Variants in CFAP46 observed in about 807,000 individuals in gnomAD.
CFAP46 encodes cilia- and flagella-associated protein 46.
CFAP46 carries 245 observed loss-of-function variants against 325.7 expected under a neutral mutation model. That is an observed-to-expected ratio of 0.75 (90% CI 0.68 to 0.84). CFAP46 has a LOEUF of 0.84. Among genes scored for constraint, CFAP46 ranks in the 40% least tolerant of loss-of-function variants. CFAP46 has a pLI of 0.00. For missense variants in CFAP46, 3,346 were observed against 3,543.0 expected (o/e 0.94, Z 1.41); for synonymous variants, 1,523 against 1,495.9 (o/e 1.02, Z -0.42).
At chr10:132,928,859 TGTC>T (rs1339101331) in intron 9 of CFAP46, among the ~76,000 whole-genome samples, 1 of 152,198 alleles carries the variant, frequency 6.6e-6, no homozygotes, top group Non-Finnish European at 1.5e-5. Context: ...CTTACACACT[TGTC>T]GTTGTGTGAA....
rs201334709 is a variant in CFAP46, at chr10:132,938,757, C to T, written c.372-4G>A. On this transcript the variant is annotated splice_polypyrimidine_tract_variant and splice_region_variant and intron_variant, in intron 4 of 57. Transcript: ENST00000368586. Reference sequence around the variant, plus strand: ...ATTGTACACCAAAAAGTAGTACCTGCGGCGCGAGCAGAGGAAGCAGAGAGC... The same window carrying T: ...ATTGTACACCAAAAAGTAGTACCTGTGGCGCGAGCAGAGGAAGCAGAGAGC... 1.7e-4 allele frequency: 273 copies of T among 1,609,786 alleles called. 1 individual carries two copies. In the East Asian group the frequency reaches 1.9e-3, roughly 11 times the overall value.
rs1451655703 is a variant in CFAP46, at chr10:132,852,150, C to T, written c.5575-845G>A. ...GAATTCTCAGATCCTGATCCACAGACGTGGTATGTTCCTCCATTTACTTAA... is the reference window on the plus strand; with the variant it reads ...GAATTCTCAGATCCTGATCCACAGATGTGGTATGTTCCTCCATTTACTTAA... On this transcript the variant is annotated intron_variant, in intron 39 of 57. Transcript: ENST00000368586. Among the ~76,000 whole-genome samples the T allele has an allele frequency of 5.1e-5, 7 of 137,252 alleles. No homozygotes were observed. In the East Asian group the frequency reaches 1.4e-3, roughly 27 times the overall value. The allele number at this position is 137,252 out of a possible 152,430, so 90.0% of individuals were successfully genotyped here.
chr10:132,897,941 G>C (rs758875788), intron 24 of CFAP46, among the ~76,000 whole-genome samples: 18 of 152,184 alleles, frequency 1.2e-4, no homozygotes, highest in Non-Finnish European at 2.5e-4. Context: ...ATCCAGCGCA[G>C]CGGCTTCTGT....
chr10:132,931,150 A>G (rs1170413604), intron 8 of CFAP46, among the ~76,000 whole-genome samples: 7 of 30,102 alleles, frequency 2.3e-4, no homozygotes, highest in African/African-American at 3.0e-4. Context: ...CAGAGCCTGG[A>G]CCTTCCTCCT....
chr10:132,937,063 A>G lies in CFAP46; in HGVS notation c.661-8T>C. On this transcript the variant is annotated splice_polypyrimidine_tract_variant and splice_region_variant and intron_variant, in intron 6 of 57. Transcript: ENST00000368586. ...CATTAATTCATGACGAACCTGTCAT[A>G]AAATGGAGCAGATTATTAATCTGGA... The G allele has an allele frequency of 6.8e-7, 1 of 1,460,466 alleles. No individual in the cohort carries two copies. The highest frequency in any genetic ancestry group is 9.2e-7 in the Non-Finnish European group (1 of 1,084,074). 90.5% of individuals were successfully genotyped at this position (1,460,466 alleles called of 1,614,324 possible). A position where few individuals can be genotyped will look rare whatever the true frequency, so the allele number is the denominator to read the frequency against.
At chr10:132,860,278 C>A (rs774355273) in intron 37 of CFAP46, 139 bp downstream of exon 37, 18 of 628,688 alleles carry the variant, frequency 2.9e-5, no homozygotes, top group Middle Eastern at 2.5e-4. Flanking sequence ...TGGAGCTGCA[C>A]GGAAAGCTGT....
At position 132,935,660 on chromosome 10, in the gene CFAP46, A is replaced by C. The variant is rs529530090; in HGVS notation, c.756-798T>G. On this transcript the variant is annotated intron_variant, in intron 7 of 57. Coordinates refer to ENST00000368586, the MANE Select transcript of CFAP46 (RefSeq NM_001200049.3). ...ATCTCCTCACTCCCCTCAGCACCCA[A>C]ACACACTGAGATCTCCTCACTCCCC... is the stretch of plus-strand genomic sequence containing the variant. Among the ~76,000 whole-genome samples the C allele has an allele frequency of 2.1e-5, 3 of 142,454 alleles. No individual in the cohort carries two copies. The East Asian group carries it at 6.2e-4, about 29-fold the overall frequency. The allele number at this position is 142,454 out of a possible 152,430, so 93.5% of individuals were successfully genotyped here.
intron 47 of CFAP46, 58 bp from the exon 48 acceptor site, chr10:132,834,833 G>T: frequency 6.4e-7 from 1 of 1,566,918 alleles, no homozygotes; most frequent in Non-Finnish European, 8.7e-7. Context: ...CCCAGACCCC[G>T]CGAGGGCCAG....
chr10:132,822,701 GTGAGTGC>G (rs1847894480), intron 50 of CFAP46, among the ~76,000 whole-genome samples: 1 of 135,958 alleles, frequency 7.4e-6, no homozygotes, highest in Non-Finnish European at 1.6e-5. Flanking sequence ...TGTGTGCTGT[GTGAGTGC>G]TGATGTGTGC....
intron 11 of CFAP46, 74 bp from the exon 12 acceptor site, chr10:132,922,782 G>A (rs1849747854): frequency 3.2e-6 from 4 of 1,240,740 alleles, no homozygotes; most frequent in South Asian, 1.4e-5. Context: ...ACCCTCCAGA[G>A]GAAGGCCTGC....
intron 35 of CFAP46, among the ~76,000 whole-genome samples, chr10:132,862,597 G>A (rs1381919373): frequency 2.0e-5 from 3 of 152,042 alleles, no homozygotes; most frequent in Non-Finnish European, 2.9e-5. Flanking sequence ...GAGGTCGGCG[G>A]GGGTCTGAGT....
At chr10:132,836,333 C>T (rs868388984) in intron 45 of CFAP46, 115 bp from the exon 46 acceptor site, 23 of 934,210 alleles carry the variant, frequency 2.5e-5, no homozygotes, top group African/African-American at 8.1e-5. Flanking sequence ...AGACCATGGA[C>T]GCCCAGCAGG....
chr10:132,862,251 G>A (rs566408993), intron 35 of CFAP46, among the ~76,000 whole-genome samples: 161 of 152,340 alleles, frequency 1.1e-3, no homozygotes, highest in African/African-American at 3.4e-3. Flanking sequence ...GCTGGGCCCA[G>A]AGAGAAGGGC....
intron 57 of CFAP46, among the ~76,000 whole-genome samples, chr10:132,809,187 G>C (rs1236038143): frequency 6.6e-6 from 1 of 152,232 alleles, no homozygotes; most frequent in Non-Finnish European, 1.5e-5. Context: ...GCTCTGCTGG[G>C]GGGGCGCCCG....
At chr10:132,918,303 C>T (rs865823867) in intron 16 of CFAP46, 90 bp downstream of exon 16, 1 of 794,258 alleles carries the variant, frequency 1.3e-6, no homozygotes, top group Non-Finnish European at 1.6e-6. Flanking sequence ...CACCGATGAA[C>T]GCCCCTCTCC....
intron 32 of CFAP46, 60 bp downstream of exon 32, chr10:132,872,616 T>C (rs770754242): frequency 6.5e-7 from 1 of 1,528,272 alleles, no homozygotes; most frequent in Admixed American, 2.0e-5. Context: ...TACCTTAACA[T>C]GTTGTTTATT....
chr10:132,936,960 C>G lies in CFAP46; in HGVS notation c.755+1G>C. 3 of 1,515,392 alleles carry G rather than the reference C, an allele frequency of 2.0e-6. No homozygotes were observed. The highest frequency in any genetic ancestry group is 2.7e-6 in the Non-Finnish European group (3 of 1,118,976). The allele number at this position is 1,515,392 out of a possible 1,614,324, so 93.9% of individuals were successfully genotyped here. On this transcript the variant is annotated splice_donor_variant, in intron 7 of 57. Transcript: ENST00000368586. LOFTEE classifies it high-confidence loss of function. ...TTGCTCTCCCTCCCAAAACGACTTACGCCTTTAGCATATTAATATAGAAAG... is the reference window on the plus strand; with the variant it reads ...TTGCTCTCCCTCCCAAAACGACTTAGGCCTTTAGCATATTAATATAGAAAG...
chr10:132,885,723 T>G (rs1057471835), intron 26 of CFAP46, 98 bp downstream of exon 26: 2,758 of 903,572 alleles, frequency 3.1e-3, no homozygotes, highest in Non-Finnish European at 4.0e-3. Flanking sequence ...ATGCAGTGGG[T>G]GGAGCACTCA....
At position 132,850,412 on chromosome 10, in the gene CFAP46, C is replaced by T. The variant is rs1213674064; in HGVS notation, c.5784G>A (p.Arg1928=). The change falls in exon 41 of 58, where the codon CGG becomes CGA. Residue 1928 remains arginine, a synonymous_variant. Coordinates refer to ENST00000368586, the MANE Select transcript of CFAP46 (RefSeq NM_001200049.3). ...SVGLQWFTLK[R]TLAHGALAQL... ...GTGCCAGTGCCCCGTGTGCTAGAGT[C>T]CGCTTCAGCGTGAACCATTGCTTCG... 1 of 1,576,756 alleles carries T rather than the reference C, an allele frequency of 6.3e-7. No homozygotes were observed.
Sources: gnomAD v4.1 joint callset for allele counts (sites outside exome capture counted in the v4.1 genomes callset) on GRCh38, gnomAD v4.1.1 for gene constraint, MANE v1.5 for transcripts, NCBI Gene and HGNC (gene_info 2026-07-23, HGNC 2026-07-21) for gene names.